The following ERICH1 variants were observed in gnomAD, a reference collection of about 807,000 sequenced individuals.
The protein encoded by ERICH1 is glutamate rich 1, also known as glutamate-rich protein 1.
In ERICH1, 56 loss-of-function variants were observed where a neutral mutation model predicts 39.6. The ratio of observed to expected loss-of-function variants is 1.41; its 90% CI spans 1.14 to 1.77. The LOEUF (loss-of-function observed/expected upper bound fraction) is 1.77. Among genes scored for constraint, ERICH1 ranks in the 40% most tolerant of loss-of-function variants. The pLI is 0.00. For synonymous variants in ERICH1, 313 were observed against 223.6 expected (o/e 1.40, Z -3.57); for missense variants, 826 against 575.4 (o/e 1.44, Z -4.45).
downstream of ERICH1, among the ~76,000 whole-genome samples, chr8:663,571 T>C (rs1451877432): frequency 2.0e-5 from 3 of 152,016 alleles, no homozygotes; most frequent in Non-Finnish European, 4.4e-5. Flanking sequence ...ACATGGGTCC[T>C]GGAAGACACA....
intron 2 of ERICH1, among the ~76,000 whole-genome samples, chr8:692,924 A>C (rs940543098): frequency 1.3e-5 from 2 of 152,262 alleles, no homozygotes; most frequent in Non-Finnish European, 2.9e-5. Context: ...ATTCATGAGT[A>C]TAAAGCAGCA....
chr8:702,118 G>A (rs1334364298), intron 2 of ERICH1, among the ~76,000 whole-genome samples: 1 of 149,256 alleles, frequency 6.7e-6, no homozygotes, highest in East Asian at 2.0e-4. Flanking sequence ...AATCCACTGA[G>A]AGAAGGTGTT....
At chr8:662,323 T>G (rs551584631), downstream of ERICH1, among the ~76,000 whole-genome samples, 12 of 152,368 alleles carry the variant, frequency 7.9e-5, no homozygotes, top group South Asian at 2.5e-3. Context: ...ATTGAATTTA[T>G]TTTCATATTT....
chr8:670,760 C>T (rs1042156215), intron 4 of ERICH1, among the ~76,000 whole-genome samples: 1 of 152,130 alleles, frequency 6.6e-6, no homozygotes, highest in Non-Finnish European at 1.5e-5. Flanking sequence ...CTGAGTCCAC[C>T]GGCCCCAGCT....
At chr8:627,849 G>A (rs541102453) in intron 3 of ERICH1, among the ~76,000 whole-genome samples, 1 of 152,322 alleles carries the variant, frequency 6.6e-6, no homozygotes, top group East Asian at 1.9e-4. Flanking sequence ...GGGGAGCCCA[G>A]GAACAGGAGG....
At chr8:726,279 GAC>G (rs746876485) in intron 1 of ERICH1, among the ~76,000 whole-genome samples, 1 of 152,058 alleles carries the variant, frequency 6.6e-6, no homozygotes, top group Non-Finnish European at 1.5e-5. Context: ...ACCACACAAG[GAC>G]ACACACAGAC....
chr8:638,335 G>GCGT (rs976522943), intron 3 of ERICH1, among the ~76,000 whole-genome samples: 9 of 152,226 alleles, frequency 5.9e-5, no homozygotes, highest in African/African-American at 2.2e-4. Flanking sequence ...CCACGCTTGG[G>GCGT]CACGTTCAGA....
chr8:708,466 T>TA (rs1296298626), intron 2 of ERICH1, among the ~76,000 whole-genome samples: 1 of 152,080 alleles, frequency 6.6e-6, no homozygotes, highest in Admixed American at 6.5e-5. Context: ...TATTCAGCCT[T>TA]AAAAAAGAAA....
chr8:712,612 G>T (rs1162880465), intron 2 of ERICH1, among the ~76,000 whole-genome samples: 1 of 152,072 alleles, frequency 6.6e-6, no homozygotes, highest in Admixed American at 6.6e-5. Flanking sequence ...TGTATTTTTA[G>T]TAGAGACGGG....
rs993230897 is a variant in ERICH1 at position 615,136 on chromosome 8, C to T, written c.*87G>A. The T allele has an allele frequency of 6.5e-6, 4 of 613,748 alleles. No homozygotes were observed. In the East Asian group the frequency reaches 8.3e-5, roughly 13 times the overall value. The allele number at this position is 613,748 out of a possible 1,614,324, so 38.0% of individuals were successfully genotyped here. A position where few individuals can be genotyped will look rare whatever the true frequency, so the allele number is the denominator to read the frequency against. On this transcript the variant is annotated 3_prime_UTR_variant, in exon 4 of 4. Transcript: ENST00000522706. ...TGCATCTGAGTCTTGGGCTCCCGGT[C>T]CACTGCTTAAAAAGTTACTATCACA... is the stretch of plus-strand genomic sequence containing the variant.
intron 1 of ERICH1, among the ~76,000 whole-genome samples, chr8:729,297 G>A (rs532135502): frequency 1.3e-5 from 2 of 152,240 alleles, no homozygotes; most frequent in African/African-American, 2.4e-5. Context: ...CAACAACAGC[G>A]CCCAACCCCC....
chr8:643,866 TGATAA>T (rs1229583108), intron 3 of ERICH1, among the ~76,000 whole-genome samples: 2 of 152,202 alleles, frequency 1.3e-5, no homozygotes, highest in Non-Finnish European at 2.9e-5. Context: ...TAAACTCAAA[TGATAA>T]GATGTGTGAC....
At chr8:662,187 G>A (rs1266912301), downstream of ERICH1, among the ~76,000 whole-genome samples, 1 of 152,252 alleles carries the variant, frequency 6.6e-6, no homozygotes, top group Non-Finnish European at 1.5e-5. Flanking sequence ...CCAGGAAAAG[G>A]CTACACATGA....
intron 3 of ERICH1, among the ~76,000 whole-genome samples, chr8:687,264 C>T (rs1210583424): frequency 2.0e-5 from 3 of 152,158 alleles, no homozygotes; most frequent in African/African-American, 7.2e-5. Flanking sequence ...TGCCTCACAC[C>T]GCTTGTGATT....
At chr8:720,079 C>G (rs527988038) in intron 1 of ERICH1, among the ~76,000 whole-genome samples, 4 of 152,370 alleles carry the variant, frequency 2.6e-5, no homozygotes, top group African/African-American at 9.6e-5. Context: ...CCTTGCTCCT[C>G]TTGTCTTCTG....
chr8:685,594 T>A (rs1325841059), intron 3 of ERICH1, among the ~76,000 whole-genome samples: 1 of 152,160 alleles, frequency 6.6e-6, no homozygotes, highest in African/African-American at 2.4e-5. Flanking sequence ...AAGACAGGCA[T>A]AAGAAATTAT....
intron 4 of ERICH1, chr8:671,960 T>G (rs1803537230): frequency 6.3e-6 from 1 of 158,330 alleles, no homozygotes; most frequent in African/African-American, 2.4e-5. Context: ...TGAGGCTGGT[T>G]TTTCTGCCTC....
intron 4 of ERICH1, among the ~76,000 whole-genome samples, chr8:672,828 T>C (rs2131854518): frequency 6.6e-6 from 1 of 152,360 alleles, no homozygotes; most frequent in South Asian, 2.1e-4. Context: ...GAAGAGAAAA[T>C]GAAACCTGTC....
At chr8:617,348 C>G (rs760345709) in intron 3 of ERICH1, among the ~76,000 whole-genome samples, 40 of 152,184 alleles carry the variant, frequency 2.6e-4, no homozygotes, top group South Asian at 1.5e-3. Context: ...CAGAGTATCC[C>G]CTTTGCTCAT....
Sources: allele counts gnomAD v4.1 joint callset (sites outside exome capture counted in the v4.1 genomes callset), GRCh38; gene constraint gnomAD v4.1.1; transcripts MANE v1.5; gene names NCBI Gene and HGNC (gene_info 2026-07-23, HGNC 2026-07-21).